MINDY4: variants seen among roughly 807,000 people sequenced by gnomAD.
MINDY4 encodes probable ubiquitin carboxyl-terminal hydrolase MINDY-4.
A neutral mutation model predicts 87.0 loss-of-function variants in MINDY4; 68 were observed. That is an observed-to-expected ratio of 0.78 (90% CI 0.64 to 0.96). MINDY4 has a LOEUF of 0.96. Among genes scored for constraint, MINDY4 ranks in the 40% least tolerant of loss-of-function variants. The pLI is 0.00. For synonymous variants in MINDY4, 379 were observed against 363.2 expected (o/e 1.04, Z -0.50); for missense variants, 919 against 928.2 (o/e 0.99, Z 0.13).
chr7:30,854,267 G>T (rs1219156725), intron 12 of MINDY4, among the ~76,000 whole-genome samples: 1 of 152,218 alleles, frequency 6.6e-6, no homozygotes, highest in Non-Finnish European at 1.5e-5. Flanking sequence ...ATGTGGGTCA[G>T]AAGAACAGTG....
At chr7:30,833,740 C>T (rs1356865286) in intron 6 of MINDY4, among the ~76,000 whole-genome samples, 2 of 152,242 alleles carry the variant, frequency 1.3e-5, no homozygotes, top group African/African-American at 4.8e-5. Context: ...TTAGTTACTT[C>T]CTAGATACAA....
chr7:30,813,298 C>A (rs1788059057), intron 5 of MINDY4, among the ~76,000 whole-genome samples: 1 of 152,156 alleles, frequency 6.6e-6, no homozygotes, highest in Non-Finnish European at 1.5e-5. Context: ...TTATTGTTAC[C>A]TGTTAAGGAT....
chr7:30,791,725 A>T lies in MINDY4; in HGVS notation c.1073+151A>T, dbSNP rs1312096161. 6 of 865,010 alleles carry T rather than the reference A, an allele frequency of 6.9e-6. No homozygotes were observed. In the East Asian group the frequency reaches 1.6e-4, roughly 23 times the overall value. 53.6% of individuals were successfully genotyped at this position (865,010 alleles called of 1,614,324 possible). A position where few individuals can be genotyped will look rare whatever the true frequency, so the allele number is the denominator to read the frequency against. On this transcript the variant is annotated intron_variant, in intron 5 of 17. Coordinates refer to ENST00000265299, the MANE Select transcript of MINDY4 (RefSeq NM_032222.3). ...AGTAACCGGCAAGGTAGAGTTTGTT[A>T]TGGTCAACCAGGAAGAAAACTCAGC...
intron 9 of MINDY4, among the ~76,000 whole-genome samples, chr7:30,844,282 G>A (rs901829301): frequency 6.6e-6 from 1 of 152,118 alleles, no homozygotes; most frequent in African/African-American, 2.4e-5. Context: ...TATGGAGCTC[G>A]CTGAAAAAGC....
intron 4 of MINDY4, among the ~76,000 whole-genome samples, chr7:30,788,219 CTT>C (rs1165998727): frequency 3.9e-5 from 6 of 152,188 alleles, no homozygotes; most frequent in Non-Finnish European, 8.8e-5. Context: ...TTTTAATAGT[CTT>C]TTCAGAAAAC....
intron 5 of MINDY4, among the ~76,000 whole-genome samples, chr7:30,811,656 A>T (rs1223385606): frequency 6.6e-6 from 1 of 152,204 alleles, no homozygotes; most frequent in Non-Finnish European, 1.5e-5. Context: ...GTAGTTAAAG[A>T]TCGAACCCTG....
chr7:30,802,526 T>C (rs1319774130), intron 5 of MINDY4, among the ~76,000 whole-genome samples: 1 of 152,124 alleles, frequency 6.6e-6, no homozygotes, highest in Non-Finnish European at 1.5e-5. Flanking sequence ...TATTTCTCTG[T>C]CTTTACTCAG....
rs200443455 is a variant in MINDY4, at chr7:30,877,680, CTTCT to C, written c.1971+2027_1971+2030del. Among the ~76,000 whole-genome samples the C allele has an allele frequency of 1.2e-3, 148 of 122,826 alleles. 1 individual carries two copies. Among genetic ancestry groups the C allele is most frequent in the African/African-American group, 5.6e-3 (139 of 24,720 alleles). The allele number at this position is 122,826 out of a possible 152,430, so 80.6% of individuals were successfully genotyped here. On this transcript the variant is annotated intron_variant, in intron 15 of 17. Transcript: ENST00000265299. ...CTTCCCTCTTCTTCTTCTTCTTCTT[CTTCT>C]TTTTTTTTTTTTTTTGAGACAAGGT...
At chr7:30,828,563 C>A in intron 5 of MINDY4, 116 bp from the exon 6 acceptor site, 1 of 1,079,218 alleles carries the variant, frequency 9.3e-7, no homozygotes, top group Non-Finnish European at 1.4e-6. Flanking sequence ...AGAGGCAAGG[C>A]CAAGACTAGA....
intron 13 of MINDY4, among the ~76,000 whole-genome samples, chr7:30,866,231 C>T (rs1038351332): frequency 1.3e-5 from 2 of 152,244 alleles, no homozygotes; most frequent in African/African-American, 4.8e-5. Flanking sequence ...TGCCCCTATC[C>T]ACTCACCCAG....
At chr7:30,776,044 C>A (rs534393814) in intron 1 of MINDY4, among the ~76,000 whole-genome samples, 1 of 152,342 alleles carries the variant, frequency 6.6e-6, no homozygotes, top group South Asian at 2.1e-4. Context: ...CTGTTGCAAA[C>A]ACCTTGCTCC....
chr7:30,851,753 G>A (rs1308091048), intron 10 of MINDY4, among the ~76,000 whole-genome samples: 1 of 152,202 alleles, frequency 6.6e-6, no homozygotes, highest in African/African-American at 2.4e-5. Context: ...GGAGCACGGG[G>A]CCCCAAACCC....
intron 5 of MINDY4, among the ~76,000 whole-genome samples, chr7:30,806,518 A>G (rs1787810026): frequency 6.6e-6 from 1 of 152,180 alleles, no homozygotes. Flanking sequence ...ATTCCTGAAT[A>G]GATGGGGATT....
At position 30,882,348 on chromosome 7, in the gene MINDY4, C is replaced by T. The variant is rs549478576; in HGVS notation, c.2139C>T (p.Ile713=). 1 of 1,597,200 alleles carries T rather than the reference C, an allele frequency of 6.3e-7. No homozygotes were observed. The part of the protein sequence containing the change: ...YDGLANQQEQ[I]RLTIDTTQTI... ...GCCTGGCCAACCAGCAGGAGCAGATCCGGCTGACCATTGGTGCGGGCCCTC... is the reference window on the plus strand; with the variant it reads ...GCCTGGCCAACCAGCAGGAGCAGATTCGGCTGACCATTGGTGCGGGCCCTC... Residue 713 remains isoleucine, a synonymous_variant, in exon 16 of 18, where the codon ATC becomes ATT. Transcript: ENST00000265299.
chr7:30,781,992 C>A lies in MINDY4; in HGVS notation c.199C>A (p.Leu67Ile). ...YKENKAKENP[L>I]KTSLELITRY... ...CCAATGATAGGCAAAGGAAAATCCT[C>A]TAAAAACAAGCCTTGAACTCATCAC... The change falls in exon 3 of 18, where the codon CTA becomes ATA. Residue 67 changes from leucine to isoleucine, a missense_variant. Coordinates refer to ENST00000265299, the MANE Select transcript of MINDY4 (RefSeq NM_032222.3). 1 of 1,612,988 alleles carries A rather than the reference C, an allele frequency of 6.2e-7. No homozygotes were observed. Among genetic ancestry groups the A allele is most frequent in the Non-Finnish European group, 8.5e-7 (1 of 1,179,612 alleles).
intron 5 of MINDY4, among the ~76,000 whole-genome samples, chr7:30,802,195 A>G (rs1042202667): frequency 3.3e-5 from 5 of 151,780 alleles, no homozygotes; most frequent in African/African-American, 9.7e-5. Context: ...CCAGAATCCC[A>G]TATAAAGGCC....
intron 5 of MINDY4, among the ~76,000 whole-genome samples, chr7:30,826,005 T>C (rs1788488113): frequency 6.6e-6 from 1 of 152,220 alleles, no homozygotes. Flanking sequence ...ATTCCTTGGC[T>C]TGTAGCTCCT....
chr7:30,782,239 T>C, intron 3 of MINDY4, 27 bp downstream of exon 3: 1 of 1,558,228 alleles, frequency 6.4e-7, no homozygotes, highest in Non-Finnish European at 8.8e-7. Context: ...TTATGTTTAT[T>C]AGTTTCCTAT....
chr7:30,788,761 A>G (rs1414265492), intron 4 of MINDY4, among the ~76,000 whole-genome samples: 2 of 152,168 alleles, frequency 1.3e-5, no homozygotes, highest in African/African-American at 2.4e-5. Context: ...CGCAGCCTAG[A>G]TGGTCGTGCA....
Sources: allele counts gnomAD v4.1 joint callset (sites outside exome capture counted in the v4.1 genomes callset), GRCh38; gene constraint gnomAD v4.1.1; transcripts MANE v1.5; gene names NCBI Gene and HGNC (gene_info 2026-07-23, HGNC 2026-07-21).